RNLS: variants seen among roughly 807,000 people sequenced by gnomAD.
RNLS encodes renalase.
Under a neutral mutation model 39.8 loss-of-function variants are expected in RNLS, and 39 were observed. The observed-to-expected ratio is 0.98, with a 90% CI of 0.76 to 1.28. The LOEUF (loss-of-function observed/expected upper bound fraction) is 1.28. Ranked by LOEUF, RNLS falls within the 50% of genes most tolerant of loss-of-function variation. The pLI is 0.00. For synonymous variants in RNLS, 147 were observed against 150.7 expected, an observed-to-expected ratio of 0.98 and a Z score of 0.18; for missense variants, 410 against 413.3, an observed-to-expected ratio of 0.99 and a Z score of 0.07.
At chr10:88,400,410 C>A (rs1852841761) in intron 4 of RNLS, among the ~76,000 whole-genome samples, 2 of 152,040 alleles carry the variant, frequency 1.3e-5, no homozygotes, top group South Asian at 4.1e-4. Flanking sequence ...TACATCCATG[C>A]CCTTGTATAT....
chr10:88,469,065 T>C (rs999672185), intron 4 of RNLS, among the ~76,000 whole-genome samples: 3 of 152,162 alleles, frequency 2.0e-5, no homozygotes, highest in African/African-American at 4.8e-5. Flanking sequence ...ATATGGTACA[T>C]ATATACCATA....
chr10:88,438,621 C>G (rs190205080), intron 4 of RNLS, among the ~76,000 whole-genome samples: 9 of 152,258 alleles, frequency 5.9e-5, no homozygotes, highest in African/African-American at 1.9e-4. Flanking sequence ...CCCTCTCTCT[C>G]GAGAACCACA....
chr10:88,575,179 CAT>C (rs1171495389), intron 3 of RNLS, among the ~76,000 whole-genome samples: 19 of 73,664 alleles, frequency 2.6e-4, no homozygotes, highest in African/African-American at 3.6e-4. Context: ...CACACACACA[CAT>C]ATTATATATA....
chr10:88,322,040 A>T (rs1236609153), intron 5 of RNLS, among the ~76,000 whole-genome samples: 2 of 152,186 alleles, frequency 1.3e-5, no homozygotes, highest in Non-Finnish European at 2.9e-5. Context: ...ACAGACACAA[A>T]CATTCTTAAT....
the RNLS span, among the ~76,000 whole-genome samples, chr10:88,172,842 G>GTTGTTTTTT: frequency 1.1e-4 from 5 of 43,778 alleles, no homozygotes; most frequent in African/African-American, 3.5e-4. Flanking sequence ...ATTTTGAGTT[G>GTTGTTTTTT]TTTTTTTTTT....
chr10:88,576,970 T>C (rs1328797381), intron 3 of RNLS, among the ~76,000 whole-genome samples: 1 of 152,192 alleles, frequency 6.6e-6, no homozygotes, highest in Non-Finnish European at 1.5e-5. Flanking sequence ...AAATAAAAGC[T>C]GCTCACTCTG....
chr10:88,215,790 C>T, the RNLS span, among the ~76,000 whole-genome samples: 1 of 150,594 alleles, frequency 6.6e-6, no homozygotes, highest in Non-Finnish European at 1.5e-5. Context: ...ATCTCCACCT[C>T]CCTGGTTCAA....
intron 4 of RNLS, among the ~76,000 whole-genome samples, chr10:88,471,713 A>G (rs576945422): frequency 6.6e-6 from 1 of 152,286 alleles, no homozygotes; most frequent in Non-Finnish European, 1.5e-5. Flanking sequence ...GGGAGAAGGT[A>G]CATGTTTGGA....
At chr10:88,449,781 T>A (rs1229087128) in intron 4 of RNLS, among the ~76,000 whole-genome samples, 3 of 152,116 alleles carry the variant, frequency 2.0e-5, no homozygotes, top group African/African-American at 7.2e-5. Flanking sequence ...GAGCTTCTAG[T>A]ATAGCAAAAT....
intron 4 of RNLS, among the ~76,000 whole-genome samples, chr10:88,538,291 T>C (rs1224050933): frequency 6.6e-6 from 1 of 152,174 alleles, no homozygotes. Context: ...TTGAAATGCA[T>C]GTGCTAAGAA....
At chr10:88,360,086 A>G (rs1210125485) in intron 5 of RNLS, among the ~76,000 whole-genome samples, 1 of 152,248 alleles carries the variant, frequency 6.6e-6, no homozygotes, top group Non-Finnish European at 1.5e-5. Flanking sequence ...TTGAATGTAC[A>G]TGACTCTTTT....
intron 3 of RNLS, among the ~76,000 whole-genome samples, chr10:88,575,849 C>A (rs1274334604): frequency 5.9e-5 from 9 of 152,136 alleles, no homozygotes; most frequent in Non-Finnish European, 1.2e-4. Flanking sequence ...CCTGTATAAC[C>A]TGGCCCTGCC....
chr10:88,189,788 C>A, the RNLS span, among the ~76,000 whole-genome samples: 1 of 152,218 alleles, frequency 6.6e-6, no homozygotes, highest in Non-Finnish European at 1.5e-5. Flanking sequence ...TTTGACCAGG[C>A]ATGCAATGCA....
chr10:88,479,561 TC>T (rs1844029195), intron 4 of RNLS, among the ~76,000 whole-genome samples: 1 of 149,116 alleles, frequency 6.7e-6, no homozygotes, highest in Non-Finnish European at 1.5e-5. Context: ...AATATCAGTA[TC>T]ATCATCATCA....
At chr10:88,439,523 A>T (rs918000948) in intron 4 of RNLS, among the ~76,000 whole-genome samples, 6 of 152,170 alleles carry the variant, frequency 3.9e-5, no homozygotes, top group Non-Finnish European at 8.8e-5. Flanking sequence ...CACAAACTTT[A>T]AAAAGGAATA....
At chr10:88,212,238 C>A in the RNLS span, among the ~76,000 whole-genome samples, 1 of 152,184 alleles carries the variant, frequency 6.6e-6, no homozygotes, top group Non-Finnish European at 1.5e-5. Context: ...GCATCTTTCT[C>A]TTCTCAAGTG....
At chr10:88,329,076 T>C (rs1427314256) in intron 5 of RNLS, among the ~76,000 whole-genome samples, 1 of 151,964 alleles carries the variant, frequency 6.6e-6, no homozygotes, top group Non-Finnish European at 1.5e-5. Context: ...CAAGTGTTTT[T>C]TGTTTTTCTT....
chr10:88,409,623 A>G (rs1853532442), intron 4 of RNLS, among the ~76,000 whole-genome samples: 1 of 152,126 alleles, frequency 6.6e-6, no homozygotes, highest in African/African-American at 2.4e-5. Flanking sequence ...AAAATAGTGG[A>G]GCCAAATAAC....
At chr10:88,229,035 A>G in the RNLS span, among the ~76,000 whole-genome samples, 1 of 152,114 alleles carries the variant, frequency 6.6e-6, no homozygotes, top group Non-Finnish European at 1.5e-5. Flanking sequence ...CAATCCACCC[A>G]TCCATCCCCT....
Sources: allele counts gnomAD v4.1 joint callset (sites outside exome capture counted in the v4.1 genomes callset), GRCh38; gene constraint gnomAD v4.1.1; transcripts MANE v1.5; gene names NCBI Gene and HGNC (gene_info 2026-07-23, HGNC 2026-07-21).